Variants in RABGAP1L observed in about 807,000 individuals in gnomAD.
The protein encoded by RABGAP1L is rab GTPase-activating protein 1-like.
RABGAP1L carries 63 observed loss-of-function variants against 137.7 expected under a neutral mutation model. The ratio of observed to expected loss-of-function variants is 0.46; its 90% CI spans 0.37 to 0.56. The LOEUF (loss-of-function observed/expected upper bound fraction) is 0.56. Ranked by LOEUF, RABGAP1L falls within the 20% of genes least tolerant of loss-of-function variation. The pLI, the probability that RABGAP1L is intolerant of heterozygous loss-of-function variation, is 0.00. For synonymous variants in RABGAP1L, 431 were observed against 433.7 expected, an observed-to-expected ratio of 0.99 and a Z score of 0.08; for missense variants, 1,095 against 1,244.0, an observed-to-expected ratio of 0.88 and a Z score of 1.80.
At chr1:174,970,187 A>T (rs1406438826) in intron 21 of RABGAP1L, among the ~76,000 whole-genome samples, 1 of 152,184 alleles carries the variant, frequency 6.6e-6, no homozygotes, top group Non-Finnish European at 1.5e-5. Context: ...GGTATGAGAA[A>T]TATGTGACTA....
intron 19 of RABGAP1L, among the ~76,000 whole-genome samples, chr1:174,883,100 A>G (rs1393980505): frequency 6.6e-6 from 1 of 152,178 alleles, no homozygotes; most frequent in Non-Finnish European, 1.5e-5. Flanking sequence ...TTGGGATTAC[A>G]GGTGTGAGCC....
chr1:174,934,797 A>G (rs909505442), intron 19 of RABGAP1L: 1 of 152,080 alleles, frequency 6.6e-6, no homozygotes, highest in African/African-American at 2.4e-5. Flanking sequence ...TCTCATTCAT[A>G]TATGTGTGTG....
At chr1:174,516,120 T>TATACACACACACAC (rs763907969) in intron 13 of RABGAP1L, among the ~76,000 whole-genome samples, 1 of 133,234 alleles carries the variant, frequency 7.5e-6, no homozygotes, top group African/African-American at 3.0e-5. Flanking sequence ...ACTGAAGCTC[T>TATACACACACACAC]ACACACACAC....
intron 11 of RABGAP1L, among the ~76,000 whole-genome samples, chr1:174,323,982 C>T (rs1191537793): frequency 6.6e-6 from 1 of 152,078 alleles, no homozygotes; most frequent in African/African-American, 2.4e-5. Flanking sequence ...TGAAAAACAA[C>T]ATTACTAGTA....
At chr1:174,913,254 G>A (rs921859712) in intron 19 of RABGAP1L, among the ~76,000 whole-genome samples, 2 of 152,116 alleles carry the variant, frequency 1.3e-5, no homozygotes, top group Non-Finnish European at 2.9e-5. Flanking sequence ...AGGATTACAG[G>A]TGTGAGCCAC....
chr1:174,857,626 A>T (rs1439638147), intron 19 of RABGAP1L, among the ~76,000 whole-genome samples: 1 of 152,158 alleles, frequency 6.6e-6, no homozygotes, highest in South Asian at 2.1e-4. Context: ...TATCTCTGAA[A>T]TTCACAGATA....
chr1:174,796,855 A>C (rs1416375634), intron 18 of RABGAP1L, among the ~76,000 whole-genome samples: 2 of 151,966 alleles, frequency 1.3e-5, no homozygotes, highest in Non-Finnish European at 2.9e-5. Flanking sequence ...CAAAATACAA[A>C]AGTTAGCCGG....
intron 8 of RABGAP1L, among the ~76,000 whole-genome samples, chr1:174,274,565 A>AT (rs1041902246): frequency 3.6e-4 from 54 of 151,976 alleles, no homozygotes; most frequent in African/African-American, 1.3e-3. Flanking sequence ...TTAATGACAC[A>AT]TAACTTAGAA....
At chr1:174,367,595 A>G (rs886797504) in intron 11 of RABGAP1L, 6 of 270,430 alleles carry the variant, frequency 2.2e-5, no homozygotes, top group African/African-American at 4.7e-5. Context: ...GAGAACTGCA[A>G]CTGGTTTCCT....
intron 14 of RABGAP1L, among the ~76,000 whole-genome samples, chr1:174,639,784 T>C (rs17351033): frequency 0.057 from 8,669 of 152,232 alleles, 335 homozygotes; most frequent in Non-Finnish European, 0.087. Context: ...AGTTGAACGA[T>C]TGGCACTTTT....
intron 19 of RABGAP1L, among the ~76,000 whole-genome samples, chr1:174,883,416 G>A (rs775495765): frequency 3.9e-5 from 6 of 152,170 alleles, no homozygotes; most frequent in African/African-American, 7.2e-5. Flanking sequence ...CCCTGGAGAC[G>A]CAGGAGGAGT....
intron 18 of RABGAP1L, among the ~76,000 whole-genome samples, chr1:174,810,524 C>A (rs2148854320): frequency 6.6e-6 from 1 of 152,304 alleles, no homozygotes; most frequent in East Asian, 1.9e-4. Context: ...TTTTTCAGTG[C>A]AGTCTTTAAT....
chr1:174,692,475 A>G (rs1020221313), intron 15 of RABGAP1L, among the ~76,000 whole-genome samples: 2 of 152,214 alleles, frequency 1.3e-5, no homozygotes, highest in Admixed American at 6.5e-5. Context: ...GCTTGTATAC[A>G]AAACCATGTG....
chr1:174,220,698 A>G (rs995601925), intron 2 of RABGAP1L: 1 of 213,412 alleles, frequency 4.7e-6, no homozygotes, highest in Non-Finnish European at 9.1e-6. Flanking sequence ...AGATAAATAC[A>G]TCTCTGTAAA....
intron 13 of RABGAP1L, among the ~76,000 whole-genome samples, chr1:174,420,140 G>A (rs771827212): frequency 6.0e-5 from 9 of 150,702 alleles, no homozygotes; most frequent in Non-Finnish European, 1.0e-4. Flanking sequence ...AATTTAAAAT[G>A]TTCTATCATG....
At position 174,877,666 on chromosome 1, in the gene RABGAP1L, A is replaced by G; in HGVS notation, c.2340+65706A>G. On this transcript the variant is annotated intron_variant, in intron 19 of 25. Transcript: ENST00000681986. The stretch of plus-strand genomic sequence containing the variant: ...TTTTCTTTTCTAACATGATATCTAT[A>G]CTCCTGTAGCAACTGAGGCATAACT... 3.3e-6 allele frequency: 5 copies of G among 1,521,846 alleles called. 1 individual carries two copies. In the South Asian group the frequency reaches 3.4e-5, roughly 10 times the overall value. The allele number at this position is 1,521,846 out of a possible 1,614,324, so 94.3% of individuals were successfully genotyped here.
chr1:174,474,848 G>A (rs536228716), intron 13 of RABGAP1L, among the ~76,000 whole-genome samples: 1 of 152,064 alleles, frequency 6.6e-6, no homozygotes, highest in African/African-American at 2.4e-5. Flanking sequence ...TGATCCACCC[G>A]CCTCTGCCTC....
intron 13 of RABGAP1L, among the ~76,000 whole-genome samples, chr1:174,558,522 C>T (rs1667018443): frequency 6.6e-6 from 1 of 152,162 alleles, no homozygotes; most frequent in Non-Finnish European, 1.5e-5. Context: ...GTTGATTTGG[C>T]TGATCTTTCT....
intron 10 of RABGAP1L, among the ~76,000 whole-genome samples, chr1:174,284,176 G>C (rs1675842384): frequency 6.6e-6 from 1 of 152,204 alleles, no homozygotes; most frequent in East Asian, 1.9e-4. Flanking sequence ...ATACAATATT[G>C]TTAACTATAG....
Sources: gnomAD v4.1 joint callset for allele counts (sites outside exome capture counted in the v4.1 genomes callset) on GRCh38, gnomAD v4.1.1 for gene constraint, MANE v1.5 for transcripts, NCBI Gene and HGNC (gene_info 2026-07-23, HGNC 2026-07-21) for gene names.